Variants in KALRN observed in about 807,000 individuals in gnomAD.
KALRN encodes the protein kalirin RhoGEF kinase.
In KALRN, 70 loss-of-function variants were observed where a neutral mutation model predicts 353.7. The ratio of observed to expected loss-of-function variants is 0.20; its 90% CI spans 0.16 to 0.24. The LOEUF (loss-of-function observed/expected upper bound fraction) is 0.24, where lower values mean the gene tolerates loss of function less well. KALRN is among the 10% of genes least tolerant of loss of function. The pLI, the probability that KALRN is intolerant of heterozygous loss-of-function variation, is 1.00. For missense variants in KALRN, 2,791 were observed against 3,756.7 expected (o/e 0.74, Z 6.72); for synonymous variants, 1,391 against 1,434.8 (o/e 0.97, Z 0.69).
At chr3:124,550,601 A>G (rs2070362144) in intron 33 of KALRN, among the ~76,000 whole-genome samples, 1 of 152,256 alleles carries the variant, frequency 6.6e-6, no homozygotes, top group Non-Finnish European at 1.5e-5. Context: ...TCCTTTAGAA[A>G]AGCCTAGCTT....
At chr3:124,268,277 CTG>C (rs1454342057) in intron 4 of KALRN, among the ~76,000 whole-genome samples, 1 of 152,158 alleles carries the variant, frequency 6.6e-6, no homozygotes, top group Non-Finnish European at 1.5e-5. Context: ...AAAGATAAGA[CTG>C]TGAAATCTTT....
In KALRN at chr3:124,268,965, C is replaced by A. The variant is rs200479529; in HGVS notation, c.679C>A (p.Arg227=). The A allele has an allele frequency of 1.1e-5, 18 of 1,614,092 alleles. No homozygotes were observed. In the Admixed American group the frequency reaches 2.2e-4, roughly 19 times the overall value. Residue 227 remains arginine (R), a synonymous_variant, in exon 5 of 60, where the codon CGG becomes AGG. Coordinates refer to ENST00000682506, the MANE Select transcript of KALRN (RefSeq NM_001388419.1). ...TCCTGTGGATGTGGAGGGCTCTCGG[C>A]GGCTCATTGACGAACACACACAGCT... ...EFPVDVEGSR[R]LIDEHTQLKK...
At chr3:124,704,827 G>A (rs1488340110) in intron 57 of KALRN, among the ~76,000 whole-genome samples, 2 of 152,212 alleles carry the variant, frequency 1.3e-5, no homozygotes, top group Non-Finnish European at 2.9e-5. Flanking sequence ...TGGGATTACA[G>A]GCGTGAGCCA....
At chr3:124,108,410 CTTTA>C (rs1365548921) in intron 1 of KALRN, among the ~76,000 whole-genome samples, 1 of 152,182 alleles carries the variant, frequency 6.6e-6, no homozygotes, top group Admixed American at 6.5e-5. Flanking sequence ...GTCTCAGTTT[CTTTA>C]TTCAGAGAAT....
chr3:124,195,137 G>A lies in KALRN; in HGVS notation c.74-32853G>A, dbSNP rs554915427. Among the ~76,000 whole-genome samples, 5 of 152,158 alleles carry A rather than the reference G, an allele frequency of 3.3e-5. No individual in the cohort carries two copies. In the East Asian group the frequency reaches 9.7e-4, roughly 29 times the overall value. On this transcript the variant is annotated intron_variant, in intron 1 of 59. Coordinates refer to ENST00000682506, the MANE Select transcript of KALRN (RefSeq NM_001388419.1). ...GGGGAAAAGAAGTAATGAAGAGGGA[G>A]AAACCACATACACTCTTTCAGAGGG...
chr3:124,689,156 T>C (rs987377189), intron 51 of KALRN, among the ~76,000 whole-genome samples: 3 of 152,220 alleles, frequency 2.0e-5, no homozygotes, highest in African/African-American at 7.2e-5. Flanking sequence ...CATGTGCATT[T>C]TATGTGAACA....
chr3:124,287,809 A>G (rs372425037), intron 5 of KALRN, among the ~76,000 whole-genome samples: 46 of 20,092 alleles, frequency 2.3e-3, no homozygotes, highest in East Asian at 4.0e-3. Flanking sequence ...ATATATATAT[A>G]TATATATATA....
intron 45 of KALRN, among the ~76,000 whole-genome samples, chr3:124,666,048 G>T (rs2085567795): frequency 6.6e-6 from 1 of 152,178 alleles, no homozygotes; most frequent in Admixed American, 6.5e-5. Context: ...AACCAGGCAG[G>T]CACCGTTCTC....
At chr3:124,716,220 A>G (rs1471334242) in intron 58 of KALRN, among the ~76,000 whole-genome samples, 1 of 152,182 alleles carries the variant, frequency 6.6e-6, no homozygotes, top group Non-Finnish European at 1.5e-5. Context: ...CCAGAAGGCA[A>G]AGGATTCAAA....
At chr3:124,224,375 TA>T (rs60963834) in intron 1 of KALRN, among the ~76,000 whole-genome samples, 8,499 of 139,364 alleles carry the variant, frequency 0.061, 675 homozygotes, top group African/African-American at 0.19. Flanking sequence ...GCTGAAGAGC[TA>T]AAAAAAAAAA....
chr3:124,153,339 T>C (rs1260589858), intron 1 of KALRN, among the ~76,000 whole-genome samples: 3 of 145,062 alleles, frequency 2.1e-5, no homozygotes, highest in Non-Finnish European at 3.0e-5. Flanking sequence ...CATTGTTCAA[T>C]TCCCATCTAT....
At chr3:124,517,439 C>T (rs560704612) in intron 33 of KALRN, among the ~76,000 whole-genome samples, 1 of 152,286 alleles carries the variant, frequency 6.6e-6, no homozygotes, top group Non-Finnish European at 1.5e-5. Flanking sequence ...GGAGCTGAGC[C>T]ACAGTCAATG....
At chr3:124,130,742 A>G (rs1003212797) in intron 1 of KALRN, among the ~76,000 whole-genome samples, 1 of 152,236 alleles carries the variant, frequency 6.6e-6, no homozygotes, top group Non-Finnish European at 1.5e-5. Context: ...GTTGTTTCCA[A>G]CAACAGTAGA....
intron 4 of KALRN, among the ~76,000 whole-genome samples, chr3:124,266,047 G>A (rs62262820): frequency 0.43 from 65,181 of 151,932 alleles, 14,065 homozygotes; most frequent in Middle Eastern, 0.48. Flanking sequence ...CCCGGGAGGC[G>A]GAGGTTGCAG....
At chr3:124,263,651 T>C (rs1318386420) in intron 3 of KALRN, among the ~76,000 whole-genome samples, 1 of 151,964 alleles carries the variant, frequency 6.6e-6, no homozygotes, top group Admixed American at 6.6e-5. Flanking sequence ...TTAAATACAA[T>C]GGTGATAAAT....
intron 34 of KALRN, among the ~76,000 whole-genome samples, chr3:124,604,855 TAAA>T (rs10708914): frequency 1.4e-5 from 2 of 145,996 alleles, no homozygotes; most frequent in African/African-American, 2.5e-5. Context: ...CCTGGCTAAT[TAAA>T]AAAAAAAAAA....
At chr3:124,137,936 G>C (rs913687388) in intron 1 of KALRN, among the ~76,000 whole-genome samples, 2 of 152,162 alleles carry the variant, frequency 1.3e-5, no homozygotes, top group Non-Finnish European at 2.9e-5. Context: ...AGAATCTTCT[G>C]TAAAGTATGT....
intron 14 of KALRN, among the ~76,000 whole-genome samples, chr3:124,421,995 AT>A (rs1233615779): frequency 6.6e-6 from 1 of 152,218 alleles, no homozygotes; most frequent in African/African-American, 2.4e-5. Context: ...TGGGTGGTTT[AT>A]ACATAAACAT....
At chr3:124,464,206 TG>T (rs2060115455) in intron 25 of KALRN, among the ~76,000 whole-genome samples, 1 of 152,228 alleles carries the variant, frequency 6.6e-6, no homozygotes, top group South Asian at 2.1e-4. Flanking sequence ...TTATGGTCTC[TG>T]GGATTTACTC....
Sources: allele counts gnomAD v4.1 joint callset (sites outside exome capture counted in the v4.1 genomes callset), GRCh38; gene constraint gnomAD v4.1.1; transcripts MANE v1.5; gene names NCBI Gene and HGNC (gene_info 2026-07-23, HGNC 2026-07-21).